Variants in CFAP61 observed in about 807,000 individuals in gnomAD.
The protein encoded by CFAP61 is cilia and flagella associated protein 61.
Under a neutral mutation model 135.6 loss-of-function variants are expected in CFAP61, and 107 were observed. The observed-to-expected ratio is 0.79, with a 90% CI of 0.67 to 0.93. The LOEUF (loss-of-function observed/expected upper bound fraction) is 0.93, where lower values mean the gene tolerates loss of function less well. Among genes scored for constraint, CFAP61 ranks in the 40% least tolerant of loss-of-function variants. CFAP61 has a pLI of 0.00. For synonymous variants in CFAP61, 575 were observed against 578.5 expected (o/e 0.99, Z 0.09); for missense variants, 1,507 against 1,556.2 (o/e 0.97, Z 0.53).
In CFAP61 at chr20:20,327,777, C is replaced by CAAAAAAAAAAAAAAAAAAAAAAAAA. The variant is rs60171844; in HGVS notation, c.3423-14050_3423-14026dup. ...CCTGGGCAACAGAGCAAGAGCCTGT[C>CAAAAAAAAAAAAAAAAAAAAAAAAA]AAAAAAAAAAAAAAAAAAAAAAAAA... On this transcript the variant is annotated intron_variant, in intron 25 of 26. Transcript: ENST00000245957. Among the ~76,000 whole-genome samples, 25 of 60,350 alleles carry CAAAAAAAAAAAAAAAAAAAAAAAAA rather than the reference C, an allele frequency of 4.1e-4. 5 individuals are homozygous for CAAAAAAAAAAAAAAAAAAAAAAAAA. Among genetic ancestry groups the CAAAAAAAAAAAAAAAAAAAAAAAAA allele is most frequent in the African/African-American group, 6.3e-4 (10 of 15,792 alleles). The allele number at this position is 60,350 out of a possible 152,430, so 39.6% of individuals were successfully genotyped here. A position where few individuals can be genotyped will look rare whatever the true frequency, so the allele number is the denominator to read the frequency against.
intron 15 of CFAP61, among the ~76,000 whole-genome samples, chr20:20,193,657 A>G (rs940050596): frequency 1.3e-5 from 2 of 151,960 alleles, no homozygotes; most frequent in African/African-American, 4.8e-5. Flanking sequence ...TCTATCCCCT[A>G]GGCTGGAGTT....
Position 20,231,748 on chromosome 20 carries a change from G to A in CFAP61, c.2060+3372G>A, listed in dbSNP as rs138362407. ...GGCAGGGCAAGGCTAGGGCTGTGGG[G>A]TGGTGCTCTTGCATTGCAGGGCATT... On this transcript the variant is annotated intron_variant, in intron 18 of 26. Coordinates refer to ENST00000245957, the MANE Select transcript of CFAP61 (RefSeq NM_015585.4). Among the ~76,000 whole-genome samples, 453 of 152,360 alleles carry A rather than the reference G, an allele frequency of 3.0e-3. 2 individuals are homozygous for A. The highest frequency in any genetic ancestry group is 0.01 in the African/African-American group (425 of 41,578).
chr20:20,135,273 T>A (rs1158109736), intron 8 of CFAP61, among the ~76,000 whole-genome samples: 1 of 152,208 alleles, frequency 6.6e-6, no homozygotes, highest in Non-Finnish European at 1.5e-5. Flanking sequence ...CCAGGGATAC[T>A]GATTTCCAAC....
At chr20:20,158,252 G>T (rs1413076803) in intron 9 of CFAP61, among the ~76,000 whole-genome samples, 1 of 138,260 alleles carries the variant, frequency 7.2e-6, no homozygotes, top group Non-Finnish European at 1.6e-5. Flanking sequence ...AAAAAAAATA[G>T]ATTAAAACAA....
chr20:20,056,855 C>A, intron 2 of CFAP61, 59 bp downstream of exon 2: 1 of 1,498,678 alleles, frequency 6.7e-7, no homozygotes, highest in Non-Finnish European at 9.2e-7. Context: ...CAGTAGCTCA[C>A]ACCTGTAATC....
chr20:20,342,994 G>A (rs946579380), intron 26 of CFAP61, among the ~76,000 whole-genome samples: 18 of 151,966 alleles, frequency 1.2e-4, no homozygotes, highest in Non-Finnish European at 2.2e-4. Flanking sequence ...CCGAGTAGCT[G>A]GGATTACAGG....
chr20:20,171,655 C>T, intron 13 of CFAP61: 1 of 435,164 alleles, frequency 2.3e-6, no homozygotes, highest in Non-Finnish European at 4.1e-6. Context: ...TATTCTTGAC[C>T]ATAATTTATT....
intron 6 of CFAP61, among the ~76,000 whole-genome samples, chr20:20,089,589 A>AG (rs1241742278): frequency 2.3e-5 from 1 of 42,674 alleles, no homozygotes; most frequent in African/African-American, 7.3e-5. Context: ...GTATCAGAGA[A>AG]AAAAAAAAAA....
intron 8 of CFAP61, among the ~76,000 whole-genome samples, chr20:20,100,583 C>G (rs2047949735): frequency 6.6e-6 from 1 of 152,162 alleles, no homozygotes; most frequent in African/African-American, 2.4e-5. Flanking sequence ...ATGTGTTGTG[C>G]TTAGCTCAGC....
At position 20,164,184 on chromosome 20, in the gene CFAP61, T is replaced by C. The variant is rs777029945; in HGVS notation, c.1161T>C (p.Ala387=). Residue 387 remains alanine, a synonymous_variant, in exon 11 of 27, where the codon GCT becomes GCC. Transcript: ENST00000245957. ...FRPIYRGASA[A]FCIQLFCIDE... is the part of the protein sequence containing the mutation. ...CCATCTACAGGGGAGCCTCAGCTGC[T>C]TTTTGTATTCAGCTGTTTTGTATTG... The C allele has an allele frequency of 2.5e-6, 4 of 1,613,960 alleles. No individual in the cohort carries two copies.
rs1294484233 is a variant in CFAP61, at chr20:20,262,946, C to T, written c.2329-10C>T. ...ATCACTGAAATAAGCATTTCTCTAACATGCTTCAGGTCCCATGCCCTACAG... is the reference window on the plus strand; with the variant it reads ...ATCACTGAAATAAGCATTTCTCTAATATGCTTCAGGTCCCATGCCCTACAG... On this transcript the variant is annotated splice_polypyrimidine_tract_variant and intron_variant, in intron 20 of 26. Transcript: ENST00000245957. The T allele has an allele frequency of 1.9e-6, 3 of 1,581,302 alleles. No individual in the cohort carries two copies. The African/African-American group carries it at 4.1e-5, about 21-fold the overall frequency.
chr20:20,196,271 C>T (rs962078924), intron 15 of CFAP61, among the ~76,000 whole-genome samples: 1 of 152,136 alleles, frequency 6.6e-6, no homozygotes, highest in Non-Finnish European at 1.5e-5. Flanking sequence ...GCTGTCCTGC[C>T]GCTTGGCCAA....
intron 13 of CFAP61, among the ~76,000 whole-genome samples, chr20:20,176,769 G>A (rs1343498302): frequency 1.3e-5 from 2 of 152,158 alleles, no homozygotes; most frequent in Admixed American, 6.5e-5. Flanking sequence ...AATGCATGCT[G>A]GGCTTAATAC....
rs751683588 is a variant in CFAP61, at chr20:20,196,769, A to T, written c.1790A>T (p.Glu597Val). 7.4e-6 allele frequency: 12 copies of T among 1,613,748 alleles called. No homozygotes were observed. Among genetic ancestry groups the T allele is most frequent in the Non-Finnish European group, 1.0e-5 (12 of 1,179,730 alleles). Residue 597 changes from glutamate (E) to valine (V), a missense_variant, in exon 16 of 27, where the codon GAA becomes GTA. Coordinates refer to ENST00000245957, the MANE Select transcript of CFAP61 (RefSeq NM_015585.4). ...LYYRVYPKSR[E>V]GKFQNPYAHS... The stretch of plus-strand genomic sequence containing the variant: ...TACCGTGTTTACCCAAAATCCAGAG[A>T]AGGCAAGGTAAGAGAATGGTGCAAT...
intron 2 of CFAP61, among the ~76,000 whole-genome samples, chr20:20,065,048 C>G (rs143213204): frequency 3.3e-5 from 5 of 152,080 alleles, no homozygotes; most frequent in African/African-American, 1.2e-4. Flanking sequence ...AATTTGATGA[C>G]GGCTTTGTGA....
intron 7 of CFAP61, 88 bp downstream of exon 7, chr20:20,091,064 G>C (rs981624541): frequency 4.0e-6 from 6 of 1,492,466 alleles, no homozygotes; most frequent in East Asian, 2.3e-5. Flanking sequence ...GGCACCCCTG[G>C]AGCTGCCATT....
At chr20:20,266,910 C>T (rs907064596) in intron 21 of CFAP61, among the ~76,000 whole-genome samples, 1 of 152,148 alleles carries the variant, frequency 6.6e-6, no homozygotes, top group Non-Finnish European at 1.5e-5. Flanking sequence ...AGGACAGTCT[C>T]TCATACATAG....
intron 6 of CFAP61, among the ~76,000 whole-genome samples, chr20:20,090,608 T>G (rs2047116967): frequency 6.7e-6 from 1 of 149,530 alleles, no homozygotes; most frequent in African/African-American, 2.5e-5. Context: ...GAGAATCGCT[T>G]GAACCCGGGA....
chr20:20,134,811 A>C (rs531874285), intron 8 of CFAP61, among the ~76,000 whole-genome samples: 1 of 152,190 alleles, frequency 6.6e-6, no homozygotes. Flanking sequence ...GATGGTAACA[A>C]TCATTTCTGA....
Sources: allele counts gnomAD v4.1 joint callset (sites outside exome capture counted in the v4.1 genomes callset), GRCh38; gene constraint gnomAD v4.1.1; transcripts MANE v1.5; gene names NCBI Gene and HGNC (gene_info 2026-07-23, HGNC 2026-07-21).